The following FGD4 variants were observed in gnomAD, a reference collection of about 807,000 sequenced individuals.
The protein encoded by FGD4 is FYVE, RhoGEF and PH domain containing 4.
FGD4 carries 42 observed loss-of-function variants against 102.0 expected under a neutral mutation model. That is an observed-to-expected ratio of 0.41 (90% confidence interval 0.32 to 0.53). The LOEUF (loss-of-function observed/expected upper bound fraction) is 0.53, where lower values mean the gene tolerates loss of function less well. FGD4 is among the 20% of genes least tolerant of loss of function. The probability of loss-of-function intolerance (pLI) is 0.21; values close to 1 mark genes in which losing one functional copy is unlikely to be tolerated. For missense variants in FGD4, 902 were observed against 1,078.2 expected, an observed-to-expected ratio of 0.84 and a Z score of 2.29; for synonymous variants, 380 against 375.7, an observed-to-expected ratio of 1.01 and a Z score of -0.13.
intron 1 of FGD4, among the ~76,000 whole-genome samples, chr12:32,522,993 C>T (rs1037276493): frequency 2.0e-5 from 3 of 152,194 alleles, no homozygotes; most frequent in Admixed American, 1.3e-4. Flanking sequence ...GTTCAATCTT[C>T]CCTTCTTCAG....
chr12:32,546,549 G>A (rs1410978742), intron 1 of FGD4, among the ~76,000 whole-genome samples: 2 of 152,238 alleles, frequency 1.3e-5, no homozygotes, highest in African/African-American at 2.4e-5. Flanking sequence ...GATGCCAAAG[G>A]TGAAATGAGG....
intron 1 of FGD4, among the ~76,000 whole-genome samples, chr12:32,479,442 A>C (rs1004579254): frequency 1.3e-5 from 2 of 151,844 alleles, no homozygotes; most frequent in African/African-American, 4.8e-5. Flanking sequence ...CAGTCATCCT[A>C]CCTCAGCCTC....
Position 32,561,670 on chromosome 12 carries a change from T to C in FGD4, c.167-2467T>C, listed in dbSNP as rs189447339. 3.2e-3 allele frequency among the ~76,000 whole-genome samples: 484 copies of C among 152,348 alleles called. 4 individuals carry two copies. Among genetic ancestry groups the C allele is most frequent in the Admixed American group, 5.8e-3 (88 of 15,302 alleles). Reference sequence around the variant, plus strand: ...ATTTTCTCTGAAGCAGAGTCAGTGGTCTTAATATCACCATGTCAACCAGAA... The same window carrying C: ...ATTTTCTCTGAAGCAGAGTCAGTGGCCTTAATATCACCATGTCAACCAGAA... On this transcript the variant is annotated intron_variant, in intron 1 of 16. Coordinates refer to ENST00000534526, the MANE Select transcript of FGD4 (RefSeq NM_001370298.3).
chr12:32,561,843 G>C (rs1263938226), intron 1 of FGD4, among the ~76,000 whole-genome samples: 1 of 152,152 alleles, frequency 6.6e-6, no homozygotes, highest in East Asian at 1.9e-4. Flanking sequence ...GTATTTGTGT[G>C]ATTTTAAAGA....
intron 1 of FGD4, among the ~76,000 whole-genome samples, chr12:32,518,727 A>G (rs934682727): frequency 1.3e-5 from 2 of 152,276 alleles, no homozygotes; most frequent in South Asian, 4.1e-4. Context: ...ATACTTGGTA[A>G]TAAGTGACCA....
At chr12:32,602,343 T>A (rs765464632) in intron 7 of FGD4, 26 bp downstream of exon 7, 1 of 1,612,498 alleles carries the variant, frequency 6.2e-7, no homozygotes, top group Non-Finnish European at 8.5e-7. Context: ...TGTTCAAAGC[T>A]ATGAATTACT....
At chr12:32,487,006 C>T (rs1398684992) in intron 1 of FGD4, among the ~76,000 whole-genome samples, 1 of 152,096 alleles carries the variant, frequency 6.6e-6, no homozygotes, top group Admixed American at 6.5e-5. Flanking sequence ...CCCTCTGACC[C>T]CCACCATGTA....
intron 4 of FGD4, among the ~76,000 whole-genome samples, chr12:32,590,941 A>C (rs899800690): frequency 6.6e-6 from 1 of 152,250 alleles, no homozygotes; most frequent in Non-Finnish European, 1.5e-5. Flanking sequence ...TGACATTCAA[A>C]TGTCCTTGTG....
chr12:32,585,236 A>G (rs1160465875), intron 4 of FGD4, among the ~76,000 whole-genome samples: 1 of 98,682 alleles, frequency 1.0e-5, no homozygotes, highest in Non-Finnish European at 2.0e-5. Flanking sequence ...ATATATATAT[A>G]TATATATATA....
chr12:32,411,526 T>TC (rs1370318772), intron 1 of FGD4, among the ~76,000 whole-genome samples: 5 of 151,780 alleles, frequency 3.3e-5, no homozygotes, highest in Admixed American at 1.3e-4. Context: ...AGAGCAAGAC[T>TC]CCGTCTCACA....
chr12:32,446,741 G>C (rs1035574058), intron 1 of FGD4, among the ~76,000 whole-genome samples: 12 of 152,160 alleles, frequency 7.9e-5, no homozygotes, highest in African/African-American at 2.9e-4. Flanking sequence ...TGATTCTGAG[G>C]AGAAACAGGA....
intron 1 of FGD4, among the ~76,000 whole-genome samples, chr12:32,406,075 C>G (rs2136385001): frequency 6.6e-6 from 1 of 152,110 alleles, no homozygotes; most frequent in East Asian, 2.0e-4. Context: ...TCCCGAGTAG[C>G]TGGGATTACT....
At chr12:32,410,936 T>TC (rs1220300941) in intron 1 of FGD4, among the ~76,000 whole-genome samples, 8 of 148,894 alleles carry the variant, frequency 5.4e-5, no homozygotes, top group Admixed American at 5.3e-4. Context: ...TTTTTCTTTT[T>TC]TTTTTTTTTT....
chr12:32,625,272 T>A (rs974784621), intron 13 of FGD4, among the ~76,000 whole-genome samples: 4 of 137,014 alleles, frequency 2.9e-5, no homozygotes, highest in East Asian at 4.1e-4. Flanking sequence ...TCTTATTCTT[T>A]TTTTTTTTTT....
chr12:32,543,879 G>T (rs927492294), intron 1 of FGD4, among the ~76,000 whole-genome samples: 5 of 152,000 alleles, frequency 3.3e-5, no homozygotes, highest in Admixed American at 6.6e-5. Flanking sequence ...CGCCCGCCTC[G>T]GCCTCCCAAA....
intron 1 of FGD4, among the ~76,000 whole-genome samples, chr12:32,491,819 A>G (rs570712661): frequency 2.0e-4 from 31 of 152,246 alleles, no homozygotes; most frequent in Admixed American, 7.2e-4. Context: ...GCAATTTGTT[A>G]TTTTGCTCTG....
intron 14 of FGD4, 70 bp downstream of exon 14, chr12:32,625,849 A>G: frequency 6.3e-7 from 1 of 1,595,426 alleles, no homozygotes; most frequent in Non-Finnish European, 8.6e-7. Flanking sequence ...TCAACTAGGG[A>G]CACACAAAAA....
intron 1 of FGD4, among the ~76,000 whole-genome samples, chr12:32,563,685 C>A (rs1483243158): frequency 6.6e-6 from 1 of 152,140 alleles, no homozygotes; most frequent in East Asian, 1.9e-4. Flanking sequence ...GCCGCGATCA[C>A]GCCACTGCAC....
chr12:32,576,320 C>A lies in FGD4; in HGVS notation c.374C>A (p.Thr125Asn), dbSNP rs1474309433. 6.2e-7 allele frequency: 1 copy of A among 1,613,760 alleles called. No homozygotes were observed. The change falls in exon 3 of 17, where the codon ACC becomes AAC. Residue 125 changes from threonine to asparagine, a missense_variant. Physicochemically the swap from Thr to Asn is moderately conservative, Grantham distance 65 (BLOSUM62 0). This residue lies in a region of FGD4 where 443 missense variants were observed against 459.2 expected (regional missense o/e 0.96). Coordinates refer to ENST00000534526, the MANE Select transcript of FGD4 (RefSeq NM_001370298.3). ...TCACCTTCGTCCAATATACACCAAA[C>A]CCCCAGGCATAAAGCTTTACCTAGT... ...QNSPSSNIHQTPRHKALPSAK... is the reference protein window; with the variant it reads ...QNSPSSNIHQNPRHKALPSAK...
Sources: gnomAD v4.1 joint callset for allele counts (sites outside exome capture counted in the v4.1 genomes callset) on GRCh38, gnomAD v4.1.1 for gene constraint, gnomAD v4.1.1 regional missense constraint, MANE v1.5 for transcripts, NCBI Gene and HGNC (gene_info 2026-07-23, HGNC 2026-07-21) for gene names.